The following ANKRD36 variants were observed in gnomAD, a reference collection of about 807,000 sequenced individuals.
ANKRD36 encodes ankyrin repeat domain 36.
Under a neutral mutation model 278.1 loss-of-function variants are expected in ANKRD36, and 179 were observed. The ratio of observed to expected loss-of-function variants is 0.64; its 90% CI spans 0.57 to 0.73. The LOEUF is 0.73. ANKRD36 is among the 30% of genes least tolerant of loss of function. The pLI, the probability that ANKRD36 is intolerant of heterozygous loss-of-function variation, is 0.00. For missense variants in ANKRD36, 1,159 were observed against 1,956.7 expected (o/e 0.59, Z 7.69); for synonymous variants, 320 against 641.1 (o/e 0.50, Z 7.57).
chr2:97,218,880 C>G (rs144503150), intron 64 of ANKRD36, among the ~76,000 whole-genome samples, 170 bp from the exon 65 acceptor site: 6,086 of 149,162 alleles, frequency 0.041, 4 homozygotes, highest in African/African-American at 0.11. Flanking sequence ...TTCCTATTTT[C>G]TTCATTGCAT....
chr2:97,205,720 T>C (rs1257896727), intron 50 of ANKRD36, among the ~76,000 whole-genome samples: 1 of 151,404 alleles, frequency 6.6e-6, no homozygotes, highest in Non-Finnish European at 1.5e-5. Flanking sequence ...ATGAGAAATC[T>C]TACCACGTTT....
chr2:97,228,112 C>T (rs879270569), intron 67 of ANKRD36, among the ~76,000 whole-genome samples: 4 of 152,168 alleles, frequency 2.6e-5, no homozygotes, highest in Non-Finnish European at 5.9e-5. Flanking sequence ...TTGGTTGTGT[C>T]TCTGCCCGGC....
chr2:97,149,008 CA>C, intron 11 of ANKRD36, among the ~76,000 whole-genome samples: 1 of 151,794 alleles, frequency 6.6e-6, no homozygotes, highest in Middle Eastern at 3.2e-3. Context: ...CTGGCTGTGC[CA>C]TTATAATGCC....
intron 26 of ANKRD36, among the ~76,000 whole-genome samples, chr2:97,182,552 A>G (rs2443844): frequency 0.59 from 84,607 of 144,444 alleles, 28,913 homozygotes; most frequent in Non-Finnish European, 0.78. Flanking sequence ...GATAAAAATA[A>G]CAATTTAATG....
At chr2:97,187,463 C>G in intron 32 of ANKRD36, 62 bp downstream of exon 32, 2 of 426,398 alleles carry the variant, frequency 4.7e-6, no homozygotes, top group Middle Eastern at 7.7e-4. Flanking sequence ...CTTCTCTACC[C>G]CTAATAAATC....
rs762316440 is a variant in ANKRD36, at chr2:97,149,304, C to G, written c.1044C>G (p.Tyr348Ter). 7.5e-5 allele frequency: 115 copies of G among 1,534,022 alleles called. No homozygotes were observed. The highest frequency in any genetic ancestry group is 9.8e-5 in the Non-Finnish European group (112 of 1,145,388). Reference sequence around the variant, plus strand: ...TCTTTTTGCTCTGTAGGAGTCTCTACAGACCTGATGCTGTTGCACAGCCTG... The same window carrying G: ...TCTTTTTGCTCTGTAGGAGTCTCTAGAGACCTGATGCTGTTGCACAGCCTG... ...AVEQCLNRSL[Y>*]RPDAVAQPVT... The change falls in exon 12 of 76, where the codon TAC (tyrosine) becomes TAG (stop). Residue 348 changes from tyrosine (Y) to a stop codon, truncating the protein, a stop_gained. Coordinates refer to ENST00000420699, the MANE Select transcript of ANKRD36 (RefSeq NM_001354587.1). LOFTEE classifies it high-confidence loss of function.
At chr2:97,202,003 G>A (rs2061505930) in intron 46 of ANKRD36, among the ~76,000 whole-genome samples, 199 bp from the exon 47 acceptor site, 1 of 151,874 alleles carries the variant, frequency 6.6e-6, no homozygotes, top group Admixed American at 6.6e-5. Flanking sequence ...GAAATTGTAA[G>A]GGTATATTTC....
intron 67 of ANKRD36, among the ~76,000 whole-genome samples, chr2:97,226,405 T>G (rs2069646851): frequency 6.6e-6 from 1 of 151,408 alleles, no homozygotes; most frequent in African/African-American, 2.4e-5. Flanking sequence ...ATGTGTTTTT[T>G]GGCTGCATAA....
chr2:97,193,053 G>C lies in ANKRD36; in HGVS notation c.2449G>C (p.Val817Leu). The C allele has an allele frequency of 1.9e-6, 3 of 1,548,362 alleles. No homozygotes were observed. Among genetic ancestry groups the C allele is most frequent in the Non-Finnish European group, 2.6e-6 (3 of 1,145,732 alleles). ...CAAGGATGGAGAAAAATCTAGGACA[G>C]GTAATTTTGAAAAGAGATTTAATGT... Reference protein sequence around the residue: ...ENKDGEKSRTVSSRKKPALKA... With the variant: ...ENKDGEKSRTLSSRKKPALKA... The change falls in exon 38 of 76, where the codon GTG (valine) becomes CTG (leucine). Residue 817 changes from valine to leucine, a missense_variant and splice_region_variant. Physicochemically the swap from Val to Leu is conservative, Grantham distance 32. Coordinates refer to ENST00000420699, the MANE Select transcript of ANKRD36 (RefSeq NM_001354587.1).
chr2:97,196,594 G>A lies in ANKRD36; in HGVS notation c.2553G>A (p.Val851=), dbSNP rs1231828084. The change falls in exon 41 of 76, where the codon GTG becomes GTA. Residue 851 remains valine, a splice_region_variant and synonymous_variant. Transcript: ENST00000420699. ...GKKDGEISRK[V]SSQKPPTLKG... The stretch of plus-strand genomic sequence containing the variant: ...TTATGAATCCCTTTTGCTTTTCAGT[G>A]TCTTCTCAGAAACCACCAACCTTGA... 2 of 1,604,666 alleles carry A rather than the reference G, an allele frequency of 1.2e-6. No homozygotes were observed. The highest frequency in any genetic ancestry group is 8.5e-7 in the Non-Finnish European group (1 of 1,178,712).
At position 97,209,622 on chromosome 2, in the gene ANKRD36, G is replaced by C. The variant is rs1415929901; in HGVS notation, c.3266-59G>C. 19 of 1,575,948 alleles carry C rather than the reference G, an allele frequency of 1.2e-5. No homozygotes were observed. In the East Asian group the frequency reaches 3.9e-4, roughly 33 times the overall value. ...AGGTTGATGCTAACACTGTGTGAAT[G>C]TATGGATAACTTTATCATATTTACA... On this transcript the variant is annotated intron_variant, in intron 54 of 75. Transcript: ENST00000420699.
intron 3 of ANKRD36, among the ~76,000 whole-genome samples, chr2:97,122,395 T>C (rs1173490883): frequency 6.7e-6 from 1 of 149,458 alleles, no homozygotes; most frequent in Non-Finnish European, 1.5e-5. Context: ...TGGGGTATAA[T>C]GTTCAAATTC....
chr2:97,197,625 G>C (rs1412905288), intron 42 of ANKRD36, among the ~76,000 whole-genome samples: 2 of 151,926 alleles, frequency 1.3e-5, no homozygotes, highest in East Asian at 3.9e-4. Context: ...ATTTTAGAAA[G>C]AAAAATTATG....
At chr2:97,155,977 A>G (rs2047327077) in intron 15 of ANKRD36, among the ~76,000 whole-genome samples, 1 of 146,082 alleles carries the variant, frequency 6.8e-6, no homozygotes, top group South Asian at 2.1e-4. Context: ...GAATGTTCTG[A>G]ATTTATCTTT....
Position 97,113,792 on chromosome 2 carries a change from C to T in ANKRD36, c.53C>T (p.Ser18Leu). 3 of 1,612,956 alleles carry T rather than the reference C, an allele frequency of 1.9e-6. No individual in the cohort carries two copies. The highest frequency in any genetic ancestry group is 2.5e-6 in the Non-Finnish European group (3 of 1,179,990). ...RWPTLMERLC[S>L]DGFAFPQYPI... ...CCCACCCTCATGGAGCGCTTGTGCTCGGATGGCTTCGCATTTCCCCAATAC... is the reference window on the plus strand; with the variant it reads ...CCCACCCTCATGGAGCGCTTGTGCTTGGATGGCTTCGCATTTCCCCAATAC... The change falls in exon 1 of 76, where the codon TCG becomes TTG. Residue 18 changes from serine (S) to leucine (L), a missense_variant. Coordinates refer to ENST00000420699, the MANE Select transcript of ANKRD36 (RefSeq NM_001354587.1).
intron 40 of ANKRD36, among the ~76,000 whole-genome samples, chr2:97,195,182 C>T (rs1160040877): frequency 6.6e-6 from 1 of 151,988 alleles, no homozygotes; most frequent in Admixed American, 6.6e-5. Context: ...TGGGGCCCAG[C>T]ATAATTCTGC....
intron 3 of ANKRD36, among the ~76,000 whole-genome samples, chr2:97,120,585 T>G (rs1049354580): frequency 6.6e-6 from 1 of 151,800 alleles, no homozygotes; most frequent in Non-Finnish European, 1.5e-5. Context: ...CTGGGAAAAT[T>G]AAACATAAAT....
At chr2:97,230,413 C>T (rs2071532938) in intron 67 of ANKRD36, among the ~76,000 whole-genome samples, 1 of 152,108 alleles carries the variant, frequency 6.6e-6, no homozygotes, top group African/African-American at 2.4e-5. Context: ...GATACCCTTT[C>T]TTCCAGTTGA....
chr2:97,165,778 G>T (rs2050469904), intron 20 of ANKRD36, among the ~76,000 whole-genome samples: 2 of 152,272 alleles, frequency 1.3e-5, no homozygotes. Context: ...TTAAATACAT[G>T]AATTTTTGGT....
Sources: allele counts gnomAD v4.1 joint callset (sites outside exome capture counted in the v4.1 genomes callset), GRCh38; gene constraint gnomAD v4.1.1; transcripts MANE v1.5; gene names NCBI Gene and HGNC (gene_info 2026-07-23, HGNC 2026-07-21).